Variants in ERBB4 observed in about 807,000 individuals in gnomAD.
ERBB4 encodes the protein erb-b2 receptor tyrosine kinase 4.
Under a neutral mutation model 158.0 loss-of-function variants are expected in ERBB4, and 42 were observed. That is an observed-to-expected ratio of 0.27 (90% CI 0.21 to 0.34). The LOEUF is 0.34. Among genes scored for constraint, ERBB4 ranks in the 10% least tolerant of loss-of-function variants. ERBB4 has a pLI of 1.00. For synonymous variants in ERBB4, 583 were observed against 558.7 expected (o/e 1.04, Z -0.61); for missense variants, 1,333 against 1,624.1 (o/e 0.82, Z 3.08).
intron 3 of ERBB4, among the ~76,000 whole-genome samples, chr2:211,832,004 G>C (rs940417173): frequency 1.3e-5 from 2 of 152,144 alleles, no homozygotes; most frequent in Non-Finnish European, 2.9e-5. Context: ...TGCAGTAACA[G>C]GACAAATGTG....
At chr2:212,529,930 T>C (rs768958442) in intron 1 of ERBB4, among the ~76,000 whole-genome samples, 10 of 152,194 alleles carry the variant, frequency 6.6e-5, no homozygotes, top group East Asian at 3.8e-4. Flanking sequence ...AAGGAAGGCA[T>C]AGTCATGAGA....
chr2:211,519,299 G>A (rs1339726087), intron 20 of ERBB4, among the ~76,000 whole-genome samples: 3 of 152,072 alleles, frequency 2.0e-5, no homozygotes, highest in Admixed American at 2.0e-4. Context: ...TCATTGATTG[G>A]CTACATCCTA....
chr2:211,662,892 T>G (rs2105912935), intron 15 of ERBB4, among the ~76,000 whole-genome samples: 1 of 152,344 alleles, frequency 6.6e-6, no homozygotes, highest in Non-Finnish European at 1.5e-5. Context: ...TTGAATTATC[T>G]GACATCATAT....
chr2:211,474,960 G>C (rs756328752), intron 20 of ERBB4, among the ~76,000 whole-genome samples: 30 of 152,010 alleles, frequency 2.0e-4, no homozygotes, highest in Non-Finnish European at 3.2e-4. Flanking sequence ...GACTGGGGAA[G>C]AGAGAAATGG....
At chr2:211,792,165 T>C (rs1334161591) in intron 3 of ERBB4, among the ~76,000 whole-genome samples, 1 of 151,720 alleles carries the variant, frequency 6.6e-6, no homozygotes, top group Non-Finnish European at 1.5e-5. Flanking sequence ...AATTTTAAAT[T>C]ATATTCTGAC....
chr2:212,244,671 G>T (rs886630881), intron 1 of ERBB4, among the ~76,000 whole-genome samples: 1 of 151,886 alleles, frequency 6.6e-6, no homozygotes, highest in African/African-American at 2.4e-5. Context: ...CTCATGATTT[G>T]CCATTCCTCT....
intron 14 of ERBB4, among the ~76,000 whole-genome samples, chr2:211,669,674 C>G (rs188836630): frequency 6.6e-6 from 1 of 152,110 alleles, no homozygotes; most frequent in Non-Finnish European, 1.5e-5. Flanking sequence ...GCAAGATTAC[C>G]GTAAATTTCT....
In ERBB4 at chr2:212,418,417, T is replaced by C. The variant is rs554561217; in HGVS notation, c.82+120032A>G. Among the ~76,000 whole-genome samples, 9 of 151,832 alleles carry C rather than the reference T, an allele frequency of 5.9e-5. No individual in the cohort carries two copies. The East Asian group carries it at 1.7e-3, about 29-fold the overall frequency. ...TTAGAGTAGTTTAAGGAGTATTGCT[T>C]AGAGTAATCCAAAATTGTGTGTTCT... On this transcript the variant is annotated intron_variant, in intron 1 of 27. Transcript: ENST00000342788.
intron 1 of ERBB4, among the ~76,000 whole-genome samples, chr2:212,267,595 T>TTCTTTTTTTTC (rs1457578986): frequency 1.9e-5 from 2 of 104,312 alleles, no homozygotes; most frequent in African/African-American, 6.8e-5. Flanking sequence ...TAGTTCTCAT[T>TTCTTTTTTTTC]TCTTTTTTTT....
intron 1 of ERBB4, among the ~76,000 whole-genome samples, chr2:212,189,462 T>TCCTCC (rs756504332): frequency 5.9e-5 from 9 of 152,148 alleles, no homozygotes; most frequent in Admixed American, 1.3e-4. Flanking sequence ...AACTGTGAAG[T>TCCTCC]CCTCCAAAAA....
At chr2:211,593,036 C>T in intron 19 of ERBB4, among the ~76,000 whole-genome samples, 1 of 150,208 alleles carries the variant, frequency 6.7e-6, no homozygotes, top group Admixed American at 6.6e-5. Context: ...AAGGGCCCTT[C>T]TGCACACTGA....
intron 3 of ERBB4, among the ~76,000 whole-genome samples, chr2:211,811,753 AT>A (rs1454770655): frequency 1.3e-5 from 2 of 150,732 alleles, no homozygotes; most frequent in Non-Finnish European, 3.0e-5. Flanking sequence ...TTCTCACTTT[AT>A]TTCATTAATT....
chr2:212,512,851 G>A (rs1431824946), intron 1 of ERBB4, among the ~76,000 whole-genome samples: 1 of 152,134 alleles, frequency 6.6e-6, no homozygotes, highest in Non-Finnish European at 1.5e-5. Flanking sequence ...GAACATGAAA[G>A]TTCCCGTGGC....
intron 7 of ERBB4, among the ~76,000 whole-genome samples, chr2:211,715,490 T>C (rs1172736536): frequency 1.3e-5 from 2 of 152,200 alleles, no homozygotes; most frequent in African/African-American, 2.4e-5. Flanking sequence ...TCTTGTGATA[T>C]GGTTTGGATC....
chr2:212,042,998 C>G (rs532572652), intron 2 of ERBB4, among the ~76,000 whole-genome samples: 5 of 152,072 alleles, frequency 3.3e-5, no homozygotes, highest in Non-Finnish European at 7.4e-5. Flanking sequence ...TTTAGCTGTG[C>G]GGCAAAGGAA....
intron 3 of ERBB4, among the ~76,000 whole-genome samples, chr2:211,913,546 A>G (rs1011975880): frequency 6.6e-6 from 1 of 151,916 alleles, no homozygotes; most frequent in Non-Finnish European, 1.5e-5. Flanking sequence ...GGTTGCAGTG[A>G]GCCAAGACCA....
At chr2:212,507,380 C>T (rs576778236) in intron 1 of ERBB4, among the ~76,000 whole-genome samples, 109 of 152,176 alleles carry the variant, frequency 7.2e-4, no homozygotes, top group South Asian at 5.8e-3. Flanking sequence ...CTTTAACTTT[C>T]AATTCTTATT....
intron 3 of ERBB4, among the ~76,000 whole-genome samples, chr2:211,870,014 T>C (rs2078302735): frequency 6.6e-6 from 1 of 152,194 alleles, no homozygotes; most frequent in Non-Finnish European, 1.5e-5. Flanking sequence ...GACTTCACTG[T>C]CCTCCTTGTG....
chr2:211,747,095 G>A (rs752324118), intron 5 of ERBB4, among the ~76,000 whole-genome samples: 5 of 152,070 alleles, frequency 3.3e-5, no homozygotes, highest in Non-Finnish European at 7.4e-5. Context: ...CATCTCTTCA[G>A]GTTCAAGTTT....
Sources: gnomAD v4.1 joint callset for allele counts (sites outside exome capture counted in the v4.1 genomes callset) on GRCh38, gnomAD v4.1.1 for gene constraint, MANE v1.5 for transcripts, NCBI Gene and HGNC (gene_info 2026-07-23, HGNC 2026-07-21) for gene names.